Variants in PIWIL1 observed in about 807,000 individuals in gnomAD.
PIWIL1 encodes piwi-like protein 1.
A neutral mutation model predicts 114.4 loss-of-function variants in PIWIL1; 73 were observed. That is an observed-to-expected ratio of 0.64 (90% confidence interval 0.53 to 0.78). The LOEUF (loss-of-function observed/expected upper bound fraction) is 0.78. PIWIL1 is among the 30% of genes least tolerant of loss of function. The pLI, the probability that PIWIL1 is intolerant of heterozygous loss-of-function variation, is 0.00. For missense variants in PIWIL1, 723 were observed against 1,063.1 expected, an observed-to-expected ratio of 0.68 and a Z score of 4.45; for synonymous variants, 375 against 369.0, an observed-to-expected ratio of 1.02 and a Z score of -0.19.
the PIWIL1 span, among the ~76,000 whole-genome samples, chr12:130,387,726 C>T: frequency 6.6e-6 from 1 of 152,034 alleles, no homozygotes; most frequent in Non-Finnish European, 1.5e-5. Context: ...CCCTTCCTGT[C>T]TCCTGACCTC....
At chr12:130,407,713 G>A in the PIWIL1 span, 6 of 1,605,498 alleles carry the variant, frequency 3.7e-6, no homozygotes, top group Non-Finnish European at 5.1e-6. Context: ...GAAGTGCAGT[G>A]TTTGGCTGGT....
chr12:130,338,727 C>G (rs1185456010), intron 1 of PIWIL1, among the ~76,000 whole-genome samples: 1 of 117,484 alleles, frequency 8.5e-6, no homozygotes, highest in Non-Finnish European at 1.8e-5. Context: ...GGGGCGAGGT[C>G]CCAGGTTTGG....
chr12:130,365,447 C>T (rs1277977585), intron 18 of PIWIL1, among the ~76,000 whole-genome samples: 2 of 152,118 alleles, frequency 1.3e-5, no homozygotes, highest in Admixed American at 6.5e-5. Context: ...TCAAGTTGTA[C>T]ATAAAGGTAA....
chr12:130,393,835 G>A, the PIWIL1 span, among the ~76,000 whole-genome samples: 18 of 152,186 alleles, frequency 1.2e-4, no homozygotes, highest in Non-Finnish European at 2.5e-4. Context: ...TAAGACACAC[G>A]ATAGAGACTG....
At chr12:130,412,598 C>T in the PIWIL1 span, 16 of 1,607,132 alleles carry the variant, frequency 1.0e-5, no homozygotes, top group East Asian at 8.9e-5. Context: ...CAGGGAAGGT[C>T]GAATAGGGGT....
At chr12:130,392,663 C>G in the PIWIL1 span, among the ~76,000 whole-genome samples, 2 of 79,184 alleles carry the variant, frequency 2.5e-5, no homozygotes, top group South Asian at 4.3e-4. Context: ...ATGACCCGGT[C>G]ACCGTCATCA....
intron 9 of PIWIL1, 123 bp from the exon 10 acceptor site, chr12:130,354,414 C>G: frequency 8.2e-7 from 1 of 1,218,342 alleles, no homozygotes; most frequent in Non-Finnish European, 1.2e-6. Context: ...TACTCTGAAG[C>G]TATTATCAGC....
At chr12:130,392,561 CTGT>C in the PIWIL1 span, among the ~76,000 whole-genome samples, 1 of 84,198 alleles carries the variant, frequency 1.2e-5, no homozygotes, top group Non-Finnish European at 2.4e-5. Context: ...TCACGTGTGT[CTGT>C]CAGTTACCTG....
chr12:130,349,582 A>G, intron 8 of PIWIL1, 146 bp downstream of exon 8: 1 of 635,966 alleles, frequency 1.6e-6, no homozygotes, highest in Non-Finnish European at 2.7e-6. Context: ...CAGCTTTCCC[A>G]GGATCATAGT....
chr12:130,404,952 A>AT, the PIWIL1 span, among the ~76,000 whole-genome samples: 12 of 152,278 alleles, frequency 7.9e-5, no homozygotes, highest in East Asian at 1.4e-3. Context: ...TTAAAAAATG[A>AT]TTTTTTTAAA....
At chr12:130,343,656 C>T (rs1349450619) in intron 3 of PIWIL1, among the ~76,000 whole-genome samples, 2 of 129,566 alleles carry the variant, frequency 1.5e-5, no homozygotes, top group Admixed American at 8.9e-5. Context: ...GACGGAGTCT[C>T]ACTCTGTCTC....
At chr12:130,404,845 A>T in the PIWIL1 span, among the ~76,000 whole-genome samples, 4 of 152,216 alleles carry the variant, frequency 2.6e-5, no homozygotes, top group East Asian at 1.9e-4. Context: ...AAAATACAAT[A>T]ATTAAGACAG....
chr12:130,423,438 T>C, the PIWIL1 span, among the ~76,000 whole-genome samples: 1 of 152,142 alleles, frequency 6.6e-6, no homozygotes, highest in African/African-American at 2.4e-5. Flanking sequence ...CTCACCTGTG[T>C]TTTCAATGAA....
the PIWIL1 span, chr12:130,424,675 C>T: frequency 2.8e-5 from 35 of 1,231,790 alleles, no homozygotes; most frequent in Admixed American, 1.5e-3. This position sits in a 1 kb window ranked among gnomAD's most constrained non-coding sequence, Gnocchi z 9.8. Context: ...GGCCTGGGCT[C>T]TCTGGCCAGC....
the PIWIL1 span, among the ~76,000 whole-genome samples, chr12:130,404,393 G>A: frequency 6.6e-6 from 1 of 152,136 alleles, no homozygotes; most frequent in African/African-American, 2.4e-5. Context: ...CACCTCCTGG[G>A]TTCAAGTGAT....
In PIWIL1 at chr12:130,371,831, T is replaced by G; in HGVS notation, c.*233T>G. On this transcript the variant is annotated 3_prime_UTR_variant, in exon 21 of 21. Coordinates refer to ENST00000245255, the MANE Select transcript of PIWIL1 (RefSeq NM_004764.5). The stretch of plus-strand genomic sequence containing the variant: ...TTCTCATAGATATTTTGTGAGCATT[T>G]TTTTGTTTATTTTGAAGAAATGTGG... 3.5e-6 allele frequency: 1 copy of G among 284,418 alleles called. No homozygotes were observed. Among genetic ancestry groups the G allele is most frequent in the Non-Finnish European group, 6.5e-6 (1 of 153,170 alleles). 17.6% of individuals were successfully genotyped at this position (284,418 alleles called of 1,614,324 possible). A position where few individuals can be genotyped will look rare whatever the true frequency, so the allele number is the denominator to read the frequency against.
In PIWIL1 at chr12:130,360,740, G is replaced by A. The variant is rs145785477; in HGVS notation, c.1666-440G>A. Among the ~76,000 whole-genome samples the A allele has an allele frequency of 2.4e-4, 36 of 152,304 alleles. No homozygotes were observed. In the East Asian group the frequency reaches 7.0e-3, roughly 29 times the overall value. On this transcript the variant is annotated intron_variant, in intron 14 of 20. Coordinates refer to ENST00000245255, the MANE Select transcript of PIWIL1 (RefSeq NM_004764.5). ...TGTTTTGTCCCCAGAATTGTCCATGGACCTCCTGTGGAAGTTCATAGTTTG... is the reference window on the plus strand; with the variant it reads ...TGTTTTGTCCCCAGAATTGTCCATGAACCTCCTGTGGAAGTTCATAGTTTG...
the PIWIL1 span, among the ~76,000 whole-genome samples, chr12:130,390,147 G>A: frequency 6.6e-6 from 1 of 152,290 alleles, no homozygotes; most frequent in South Asian, 2.1e-4. Flanking sequence ...TTTGTAACAA[G>A]TTTTTTTCTG....
chr12:130,420,292 G>A, the PIWIL1 span, among the ~76,000 whole-genome samples: 14 of 152,176 alleles, frequency 9.2e-5, no homozygotes, highest in East Asian at 2.5e-3. This position sits in a 1 kb window ranked among gnomAD's most constrained non-coding sequence, Gnocchi z 4.3. Context: ...GTTATTTTAT[G>A]TGGTGTCCCG....
Sources: allele counts gnomAD v4.1 joint callset (sites outside exome capture counted in the v4.1 genomes callset), GRCh38; gene constraint gnomAD v4.1.1; non-coding constraint Gnocchi (gnomAD v3.1); transcripts MANE v1.5; gene names NCBI Gene and HGNC (gene_info 2026-07-23, HGNC 2026-07-21).